Variants in MSRA observed in about 807,000 individuals in gnomAD.
MSRA encodes mitochondrial peptide methionine sulfoxide reductase.
Under a neutral mutation model 31.3 loss-of-function variants are expected in MSRA, and 54 were observed. The observed-to-expected ratio is 1.73, with a 90% confidence interval of 1.39 to 2.17. MSRA has a LOEUF of 2.17. Among genes scored for constraint, MSRA ranks in the 30% most tolerant of loss-of-function variants. MSRA has a pLI of 0.00. For missense variants in MSRA, 507 were observed against 300.9 expected (o/e 1.69, Z -5.07); for synonymous variants, 169 against 116.5 (o/e 1.45, Z -2.90).
intron 1 of MSRA, among the ~76,000 whole-genome samples, chr8:10,095,100 C>T (rs116565367): frequency 0.01 from 1,567 of 152,278 alleles, 27 homozygotes; most frequent in African/African-American, 0.033. Flanking sequence ...TGCATGCCTC[C>T]GTTTCTATTC....
At position 10,170,030 on chromosome 8, in the gene MSRA, C is replaced by T. The variant is rs147400568; in HGVS notation, c.143-37803C>T. Among the ~76,000 whole-genome samples, 1,401 of 144,056 alleles carry T rather than the reference C, an allele frequency of 9.7e-3. 29 individuals are homozygous for T. Among genetic ancestry groups the T allele is most frequent in the African/African-American group, 0.035 (1,321 of 38,104 alleles). The allele number at this position is 144,056 out of a possible 152,430, so 94.5% of individuals were successfully genotyped here. On this transcript the variant is annotated intron_variant, in intron 1 of 5. Transcript: ENST00000317173. ...TCCTGGGCTCAAGTGTCTACCACTA[C>T]GCCTGGCTAATATTTTTTTTTTTTT...
chr8:10,366,280 G>C (rs1447936985), intron 5 of MSRA, among the ~76,000 whole-genome samples: 1 of 152,250 alleles, frequency 6.6e-6, no homozygotes, highest in East Asian at 1.9e-4. Flanking sequence ...GGCAGAGGAA[G>C]CAGAGGGCTC....
intron 3 of MSRA, among the ~76,000 whole-genome samples, chr8:10,276,143 G>A (rs980816912): frequency 1.3e-5 from 2 of 152,202 alleles, no homozygotes; most frequent in Non-Finnish European, 2.9e-5. Context: ...GACCTCCGTG[G>A]TGGTGGCTAC....
chr8:10,115,742 C>G (rs1331922687), intron 1 of MSRA, among the ~76,000 whole-genome samples: 1 of 152,152 alleles, frequency 6.6e-6, no homozygotes, highest in Admixed American at 6.5e-5. Flanking sequence ...GAGGAGGATA[C>G]ACTGGTCCCG....
intron 3 of MSRA, among the ~76,000 whole-genome samples, chr8:10,265,756 C>T (rs955733185): frequency 6.6e-6 from 1 of 152,246 alleles, no homozygotes; most frequent in African/African-American, 2.4e-5. Flanking sequence ...ATCATTCCTC[C>T]CCCTGCCTTC....
At chr8:10,134,343 A>G (rs1300265708) in intron 1 of MSRA, among the ~76,000 whole-genome samples, 10 of 152,224 alleles carry the variant, frequency 6.6e-5, no homozygotes, top group Admixed American at 3.9e-4. Context: ...GAAACACAGC[A>G]CAACACTTGA....
chr8:10,100,026 G>A (rs1336488935), intron 1 of MSRA, among the ~76,000 whole-genome samples: 1 of 152,188 alleles, frequency 6.6e-6, no homozygotes, highest in African/African-American at 2.4e-5. Flanking sequence ...GGGCAGTTGT[G>A]CAGAGTTGAG....
intron 5 of MSRA, among the ~76,000 whole-genome samples, chr8:10,321,892 A>G (rs1802062506): frequency 6.6e-6 from 1 of 152,240 alleles, no homozygotes; most frequent in Non-Finnish European, 1.5e-5. Context: ...CCAGAGGCAC[A>G]CAGCCAAGCT....
At chr8:10,427,631 C>G (rs927165512) in intron 5 of MSRA, among the ~76,000 whole-genome samples, 2 of 152,166 alleles carry the variant, frequency 1.3e-5, no homozygotes, top group African/African-American at 4.8e-5. Context: ...GGCTGGGGTC[C>G]TGTTCCTGAG....
intron 5 of MSRA, among the ~76,000 whole-genome samples, chr8:10,351,937 G>C (rs778840850): frequency 1.3e-5 from 2 of 152,224 alleles, no homozygotes; most frequent in Non-Finnish European, 2.9e-5. Flanking sequence ...AATGAGAAGA[G>C]AACCCAGCTG....
chr8:10,271,207 A>G (rs1799018348), intron 3 of MSRA, among the ~76,000 whole-genome samples: 1 of 152,190 alleles, frequency 6.6e-6, no homozygotes, highest in African/African-American at 2.4e-5. Context: ...TCAATGATAC[A>G]CAGATGGCAT....
Position 10,133,678 on chromosome 8 carries a change from C to T in MSRA, c.143-74155C>T, listed in dbSNP as rs150319073. 1.9e-3 allele frequency among the ~76,000 whole-genome samples: 296 copies of T among 152,266 alleles called. 1 individual carries two copies. Among genetic ancestry groups the T allele is most frequent in the Non-Finnish European group, 3.4e-3 (233 of 68,032 alleles). On this transcript the variant is annotated intron_variant, in intron 1 of 5. Transcript: ENST00000317173. ...TTAGGCTTAAAGGACGAGACAGATG[C>T]AAAGTACTAAGCATGTGGCCTGGCA...
At chr8:10,172,974 G>T (rs921606175) in intron 1 of MSRA, among the ~76,000 whole-genome samples, 4 of 152,328 alleles carry the variant, frequency 2.6e-5, no homozygotes, top group African/African-American at 9.6e-5. Flanking sequence ...ACAGATTGGA[G>T]CAAAGTGAGG....
chr8:10,392,634 A>G (rs1806818139), intron 5 of MSRA, among the ~76,000 whole-genome samples: 1 of 150,478 alleles, frequency 6.6e-6, no homozygotes, highest in Non-Finnish European at 1.5e-5. Flanking sequence ...TTATGAAGAC[A>G]CCTCATCCTG....
intron 3 of MSRA, among the ~76,000 whole-genome samples, chr8:10,269,164 T>C (rs1449261417): frequency 6.6e-6 from 1 of 152,242 alleles, no homozygotes; most frequent in Non-Finnish European, 1.5e-5. Context: ...TGTGCTCAGA[T>C]AATGGGCAAG....
At chr8:10,363,914 A>G (rs1462211507) in intron 5 of MSRA, among the ~76,000 whole-genome samples, 1 of 152,116 alleles carries the variant, frequency 6.6e-6, no homozygotes, top group Non-Finnish European at 1.5e-5. Context: ...CTGGGCTACA[A>G]AGTAAGACCC....
At chr8:10,227,060 G>C (rs1811063348) in intron 2 of MSRA, among the ~76,000 whole-genome samples, 1 of 152,192 alleles carries the variant, frequency 6.6e-6, no homozygotes, top group South Asian at 2.1e-4. Flanking sequence ...CATCCCTGGG[G>C]AGCAGCTGTG....
chr8:10,139,670 A>G (rs1472929511), intron 1 of MSRA, among the ~76,000 whole-genome samples: 1 of 152,162 alleles, frequency 6.6e-6, no homozygotes, highest in Non-Finnish European at 1.5e-5. Context: ...CACCAGTTCT[A>G]TTCATATTGC....
At chr8:10,175,855 C>A (rs1365605446) in intron 1 of MSRA, among the ~76,000 whole-genome samples, 1 of 152,228 alleles carries the variant, frequency 6.6e-6, no homozygotes, top group African/African-American at 2.4e-5. Context: ...TTAATATTTA[C>A]TTTTGGCTTT....
Sources: allele counts gnomAD v4.1 joint callset (sites outside exome capture counted in the v4.1 genomes callset), GRCh38; gene constraint gnomAD v4.1.1; transcripts MANE v1.5; gene names NCBI Gene and HGNC (gene_info 2026-07-23, HGNC 2026-07-21).